RCAN2: variants seen among roughly 807,000 people sequenced by gnomAD.
RCAN2 encodes the protein regulator of calcineurin 2, also known as calcipressin-2.
Under a neutral mutation model 23.6 loss-of-function variants are expected in RCAN2, and 9 were observed. That is an observed-to-expected ratio of 0.38 (90% CI 0.23 to 0.67). RCAN2 has a LOEUF of 0.67. Ranked by LOEUF, RCAN2 falls within the 30% of genes least tolerant of loss-of-function variation. RCAN2 has a pLI of 0.51. For missense variants in RCAN2, 273 were observed against 302.3 expected (o/e 0.90, Z 0.72); for synonymous variants, 109 against 115.7 (o/e 0.94, Z 0.37).
At chr6:46,440,667 G>T (rs1767512381) in intron 2 of RCAN2, among the ~76,000 whole-genome samples, 2 of 151,966 alleles carry the variant, frequency 1.3e-5, no homozygotes, top group South Asian at 4.1e-4. Flanking sequence ...TAAGAAAAAA[G>T]ATAGTTGCTA....
At chr6:46,344,644 T>C (rs1764429034) in intron 2 of RCAN2, among the ~76,000 whole-genome samples, 1 of 151,990 alleles carries the variant, frequency 6.6e-6, no homozygotes. Context: ...TAAGGCATAC[T>C]ATAATATGTT....
chr6:46,255,800 C>T (rs1178069205), intron 2 of RCAN2, among the ~76,000 whole-genome samples: 1 of 152,048 alleles, frequency 6.6e-6, no homozygotes, highest in African/African-American at 2.4e-5. Flanking sequence ...AACTGGAGGG[C>T]AGGGGCTTCA....
At chr6:46,401,620 A>T (rs1766250554) in intron 2 of RCAN2, among the ~76,000 whole-genome samples, 1 of 152,184 alleles carries the variant, frequency 6.6e-6, no homozygotes, top group South Asian at 2.1e-4. Context: ...TCTGTTTCCA[A>T]GTAATCTGCG....
intron 2 of RCAN2, among the ~76,000 whole-genome samples, chr6:46,294,962 A>G (rs935124451): frequency 1.3e-5 from 2 of 152,174 alleles, no homozygotes; most frequent in Admixed American, 6.6e-5. Context: ...CAGAAAAACC[A>G]TATGTAAGGG....
rs771487321 is a variant in RCAN2 at position 46,410,227 on chromosome 6, G to A, written c.225+46525C>T. On this transcript the variant is annotated intron_variant, in intron 2 of 4. Transcript: ENST00000371374. ...GGCCTTCTGACTTGAACTGAGCCATGCTACTAGCATCCCAGGTTCTCCAAT... is the reference window on the plus strand; with the variant it reads ...GGCCTTCTGACTTGAACTGAGCCATACTACTAGCATCCCAGGTTCTCCAAT... Among the ~76,000 whole-genome samples, 3 of 152,156 alleles carry A rather than the reference G, an allele frequency of 2.0e-5. 1 individual carries two copies. Among genetic ancestry groups the A allele is most frequent in the Non-Finnish European group, 4.4e-5 (3 of 68,030 alleles).
intron 2 of RCAN2, among the ~76,000 whole-genome samples, chr6:46,419,183 C>T (rs1766797015): frequency 6.6e-6 from 1 of 152,114 alleles, no homozygotes; most frequent in Non-Finnish European, 1.5e-5. Flanking sequence ...AGTTTGAAAC[C>T]AGCCACAGCG....
chr6:46,444,075 A>G (rs1767627430), intron 2 of RCAN2, among the ~76,000 whole-genome samples: 1 of 152,262 alleles, frequency 6.6e-6, no homozygotes, highest in African/African-American at 2.4e-5. Context: ...TACAAAGAAG[A>G]CAAATACAAA....
At chr6:46,446,944 A>G (rs1355595044) in intron 2 of RCAN2, among the ~76,000 whole-genome samples, 2 of 152,158 alleles carry the variant, frequency 1.3e-5, no homozygotes, top group Admixed American at 6.5e-5. Flanking sequence ...TCTACAAAGC[A>G]ACTAAGAACA....
intron 2 of RCAN2, among the ~76,000 whole-genome samples, chr6:46,412,872 A>G (rs1231526888): frequency 6.6e-6 from 1 of 152,152 alleles, no homozygotes; most frequent in African/African-American, 2.4e-5. Context: ...TTGCCAGAGG[A>G]GGAAGCCAGA....
At position 46,221,941 on chromosome 6, in the gene RCAN2, G is replaced by A. The variant is rs540259831; in HGVS notation, c.*1200C>T. The A allele has an allele frequency of 5.3e-5, 21 of 398,536 alleles. No individual in the cohort carries two copies. The highest frequency in any genetic ancestry group is 2.5e-4 in the South Asian group (2 of 7,852). 24.7% of individuals were successfully genotyped at this position (398,536 alleles called of 1,614,324 possible). On this transcript the variant is annotated 3_prime_UTR_variant, in exon 5 of 5. Coordinates refer to ENST00000371374, the MANE Select transcript of RCAN2 (RefSeq NM_001251974.2). ...TAACTTTTTTGAGCACACGGGTGTCGCGTGAGTAGGACCGGCATACATGTA... is the reference window on the plus strand; with the variant it reads ...TAACTTTTTTGAGCACACGGGTGTCACGTGAGTAGGACCGGCATACATGTA...
rs115738722 is a variant in RCAN2 at position 46,241,147 on chromosome 6, C to A, written c.571+5601G>T. 4.6e-5 allele frequency among the ~76,000 whole-genome samples: 7 copies of A among 152,278 alleles called. No homozygotes were observed. The East Asian group carries it at 7.7e-4, about 17-fold the overall frequency. On this transcript the variant is annotated intron_variant, in intron 4 of 4. Transcript: ENST00000371374. ...TTTCCTGTCTAGTTAGTGCCACGTG[C>A]GTCTCTATTTTACCATTTTCTGCTG...
intron 2 of RCAN2, among the ~76,000 whole-genome samples, chr6:46,429,797 A>T (rs1767135387): frequency 6.6e-6 from 1 of 152,188 alleles, no homozygotes; most frequent in Non-Finnish European, 1.5e-5. Flanking sequence ...GGAAAGAAGC[A>T]CAGCACTCTA....
At position 46,276,113 on chromosome 6, in the gene RCAN2, G is replaced by A. The variant is rs567296794; in HGVS notation, c.226-27217C>T. ...GCCAGCTACTCGGGAGGCTGAAGCA[G>A]AAGAATCACTTGAACCTAGGAGGTG... On this transcript the variant is annotated intron_variant, in intron 2 of 4. Transcript: ENST00000371374. Among the ~76,000 whole-genome samples, 20 of 152,306 alleles carry A rather than the reference G, an allele frequency of 1.3e-4. No homozygotes were observed. In the South Asian group the frequency reaches 4.1e-3, roughly 32 times the overall value.
intron 1 of RCAN2, among the ~76,000 whole-genome samples, chr6:46,478,618 T>C (rs1466339851): frequency 6.6e-6 from 1 of 152,116 alleles, no homozygotes; most frequent in Admixed American, 6.5e-5. Flanking sequence ...CTCACTGCCC[T>C]CCGATCTAGT....
At chr6:46,246,105 G>A (rs574079168) in intron 4 of RCAN2, among the ~76,000 whole-genome samples, 26 of 152,240 alleles carry the variant, frequency 1.7e-4, no homozygotes, top group African/African-American at 6.3e-4. Flanking sequence ...CAAAAAACCT[G>A]GAAATAATCT....
chr6:46,285,027 T>G (rs150261089), intron 2 of RCAN2, among the ~76,000 whole-genome samples: 4 of 152,232 alleles, frequency 2.6e-5, no homozygotes, highest in African/African-American at 9.6e-5. Flanking sequence ...ACTATCTATA[T>G]ATACCATCTA....
intron 1 of RCAN2, among the ~76,000 whole-genome samples, chr6:46,474,184 G>A (rs1768646757): frequency 6.6e-6 from 1 of 152,046 alleles, no homozygotes; most frequent in South Asian, 2.1e-4. Context: ...AGGTAGAGAG[G>A]AATGCAGCAG....
At chr6:46,479,713 G>A (rs983500523) in intron 1 of RCAN2, among the ~76,000 whole-genome samples, 13 of 151,236 alleles carry the variant, frequency 8.6e-5, no homozygotes, top group Admixed American at 7.9e-4. Context: ...CTCCTGAGTA[G>A]CTGGGACTAC....
At chr6:46,330,011 G>C (rs1763914309) in intron 2 of RCAN2, among the ~76,000 whole-genome samples, 1 of 152,220 alleles carries the variant, frequency 6.6e-6, no homozygotes, top group Non-Finnish European at 1.5e-5. Flanking sequence ...GCTATGGGTT[G>C]TCAAAGGCTC....
Sources: allele counts gnomAD v4.1 joint callset (sites outside exome capture counted in the v4.1 genomes callset), GRCh38; gene constraint gnomAD v4.1.1; transcripts MANE v1.5; gene names NCBI Gene and HGNC (gene_info 2026-07-23, HGNC 2026-07-21).